EFCAB11: variants seen among roughly 807,000 people sequenced by gnomAD.
EFCAB11 encodes EF-hand calcium-binding domain-containing protein 11.
A neutral mutation model predicts 23.0 loss-of-function variants in EFCAB11; 14 were observed. The ratio of observed to expected loss-of-function variants is 0.61; its 90% CI spans 0.40 to 0.95. The LOEUF (loss-of-function observed/expected upper bound fraction) is 0.95. Among genes scored for constraint, EFCAB11 ranks in the 40% least tolerant of loss-of-function variants. The pLI is 0.00. For missense variants in EFCAB11, 198 were observed against 195.8 expected, an observed-to-expected ratio of 1.01 and a Z score of -0.07; for synonymous variants, 65 against 66.6, an observed-to-expected ratio of 0.98 and a Z score of 0.11.
chr14:89,819,473 G>A (rs532726598), intron 5 of EFCAB11, among the ~76,000 whole-genome samples: 1 of 152,122 alleles, frequency 6.6e-6, no homozygotes, highest in African/African-American at 2.4e-5. Context: ...AGGCTGGAGT[G>A]CAGTTGCATG....
chr14:89,827,308 G>A (rs1041834977), intron 5 of EFCAB11, among the ~76,000 whole-genome samples: 5 of 152,172 alleles, frequency 3.3e-5, no homozygotes, highest in Admixed American at 6.5e-5. Context: ...TCTGAGGGAG[G>A]ACACCATAGG....
At chr14:89,824,891 A>G (rs1886639339) in intron 5 of EFCAB11, among the ~76,000 whole-genome samples, 1 of 152,104 alleles carries the variant, frequency 6.6e-6, no homozygotes, top group African/African-American at 2.4e-5. Flanking sequence ...AAGGAGAAAC[A>G]GACAAATCCA....
chr14:89,799,752 G>A (rs528942853), intron 5 of EFCAB11, among the ~76,000 whole-genome samples: 1 of 152,052 alleles, frequency 6.6e-6, no homozygotes, highest in East Asian at 1.9e-4. Flanking sequence ...CCACAGCAGA[G>A]GATGAATGTC....
intron 5 of EFCAB11, among the ~76,000 whole-genome samples, chr14:89,915,044 T>C (rs758000385): frequency 2.6e-5 from 4 of 151,944 alleles, no homozygotes; most frequent in Non-Finnish European, 5.9e-5. Flanking sequence ...AAAAAACACA[T>C]AGTAATAATA....
intron 5 of EFCAB11, among the ~76,000 whole-genome samples, chr14:89,853,711 A>G (rs758690554): frequency 5.9e-5 from 9 of 152,388 alleles, no homozygotes; most frequent in Non-Finnish European, 1.2e-4. Flanking sequence ...AAATGACAAA[A>G]TATGTCACAT....
intron 5 of EFCAB11, among the ~76,000 whole-genome samples, chr14:89,865,108 C>A (rs1888042465): frequency 1.3e-5 from 2 of 152,182 alleles, no homozygotes; most frequent in Admixed American, 1.3e-4. Context: ...GTCAGTGCTG[C>A]ATCCTTGGTG....
intron 5 of EFCAB11, among the ~76,000 whole-genome samples, chr14:89,826,580 G>A (rs939426091): frequency 3.3e-5 from 5 of 152,052 alleles, no homozygotes; most frequent in Admixed American, 6.6e-5. Context: ...GGAAGCTGTC[G>A]CAAAACTTCA....
intron 5 of EFCAB11, among the ~76,000 whole-genome samples, chr14:89,850,879 G>A (rs1887582281): frequency 6.6e-6 from 1 of 152,156 alleles, no homozygotes; most frequent in Non-Finnish European, 1.5e-5. Flanking sequence ...AGCTAAATCT[G>A]TATTATAATT....
chr14:89,881,452 C>CATATATATATATATATAT (rs10530483), intron 5 of EFCAB11, among the ~76,000 whole-genome samples: 539 of 46,732 alleles, frequency 0.012, 90 homozygotes, highest in Non-Finnish European at 0.014. Context: ...TATGACTTGG[C>CATATATATATATATATAT]ATATATATAT....
chr14:89,805,316 C>T (rs1479747052), intron 5 of EFCAB11, among the ~76,000 whole-genome samples: 1 of 152,222 alleles, frequency 6.6e-6, no homozygotes, highest in East Asian at 1.9e-4. Flanking sequence ...TAATCCCACT[C>T]TCCTTACCAC....
chr14:89,892,968 C>T (rs1889026766), intron 5 of EFCAB11, among the ~76,000 whole-genome samples: 1 of 152,148 alleles, frequency 6.6e-6, no homozygotes, highest in Admixed American at 6.5e-5. Flanking sequence ...TGTCCTTGAG[C>T]CTCAGTGTCC....
chr14:89,865,875 C>T (rs1290553584), intron 5 of EFCAB11, among the ~76,000 whole-genome samples: 1 of 151,990 alleles, frequency 6.6e-6, no homozygotes. Context: ...ACCATGTTGG[C>T]CAGGCTGGTC....
intron 5 of EFCAB11, among the ~76,000 whole-genome samples, chr14:89,840,029 C>A (rs1227087746): frequency 6.6e-6 from 1 of 152,162 alleles, no homozygotes; most frequent in Admixed American, 6.5e-5. Flanking sequence ...AGTCAAAAGG[C>A]AACAAAATGA....
chr14:89,863,059 C>G (rs1427180726), intron 5 of EFCAB11, among the ~76,000 whole-genome samples: 1 of 151,938 alleles, frequency 6.6e-6, no homozygotes, highest in Non-Finnish European at 1.5e-5. Context: ...TTGATGATCT[C>G]TGTCTAAAAG....
At chr14:89,829,442 C>T (rs141595638) in intron 5 of EFCAB11, among the ~76,000 whole-genome samples, 3 of 152,246 alleles carry the variant, frequency 2.0e-5, no homozygotes, top group South Asian at 2.1e-4. Context: ...TGCTGGGGTA[C>T]GATGATGACC....
At chr14:89,944,512 A>C (rs1289683140) in intron 3 of EFCAB11, among the ~76,000 whole-genome samples, 1 of 152,218 alleles carries the variant, frequency 6.6e-6, no homozygotes, top group Non-Finnish European at 1.5e-5. Flanking sequence ...AACTCACTGA[A>C]TATCAGGGAA....
intron 5 of EFCAB11, among the ~76,000 whole-genome samples, chr14:89,800,849 CCT>C (rs948792170): frequency 2.0e-4 from 31 of 151,998 alleles, no homozygotes; most frequent in African/African-American, 7.2e-4. Context: ...TCGAGACCAG[CCT>C]GGCCAACATG....
At chr14:89,943,736 A>T (rs1197375421) in intron 3 of EFCAB11, among the ~76,000 whole-genome samples, 1 of 152,184 alleles carries the variant, frequency 6.6e-6, no homozygotes, top group Non-Finnish European at 1.5e-5. Flanking sequence ...GAAAAATTGC[A>T]TGTTAGCAGC....
intron 5 of EFCAB11, among the ~76,000 whole-genome samples, chr14:89,879,057 A>T (rs1210117508): frequency 3.3e-5 from 5 of 152,194 alleles, no homozygotes; most frequent in African/African-American, 1.2e-4. Context: ...TTGCCGAGAC[A>T]TGATCCCCCC....
Sources: gnomAD v4.1 joint callset for allele counts (sites outside exome capture counted in the v4.1 genomes callset) on GRCh38, gnomAD v4.1.1 for gene constraint, MANE v1.5 for transcripts, NCBI Gene and HGNC (gene_info 2026-07-23, HGNC 2026-07-21) for gene names.